Variants in PFKFB3 observed in about 807,000 individuals in gnomAD.
PFKFB3 encodes the protein 6-phosphofructo-2-kinase/fructose-2,6-bisphosphatase 3.
Under a neutral mutation model 68.0 loss-of-function variants are expected in PFKFB3, and 33 were observed. The observed-to-expected ratio is 0.49, with a 90% CI of 0.37 to 0.65. The LOEUF (loss-of-function observed/expected upper bound fraction) is 0.65, where lower values mean the gene tolerates loss of function less well. Among genes scored for constraint, PFKFB3 ranks in the 30% least tolerant of loss-of-function variants. The probability of loss-of-function intolerance (pLI) is 0.00; values close to 1 mark genes in which losing one functional copy is unlikely to be tolerated. For missense variants in PFKFB3, 586 were observed against 712.2 expected (o/e 0.82, Z 2.02); for synonymous variants, 315 against 288.2 (o/e 1.09, Z -0.94).
At chr10:6,247,186 G>T (rs913657886) in intron 14 of PFKFB3, among the ~76,000 whole-genome samples, 1 of 152,220 alleles carries the variant, frequency 6.6e-6, no homozygotes. Context: ...GATACGTCAC[G>T]GTGGGGCCAG....
At chr10:6,157,320 G>A (rs1841835247) in intron 1 of PFKFB3, among the ~76,000 whole-genome samples, 1 of 151,234 alleles carries the variant, frequency 6.6e-6, no homozygotes. Context: ...TCCACCTCCT[G>A]GGTTCACGCC....
chr10:6,262,983 G>A, the PFKFB3 span, among the ~76,000 whole-genome samples: 7 of 152,218 alleles, frequency 4.6e-5, no homozygotes, highest in African/African-American at 1.4e-4. Flanking sequence ...CACCTCGGTC[G>A]GGGAGACCCT....
At chr10:6,243,252 A>T (rs1192223692) in intron 14 of PFKFB3, among the ~76,000 whole-genome samples, 2 of 152,246 alleles carry the variant, frequency 1.3e-5, no homozygotes, top group Non-Finnish European at 2.9e-5. Context: ...TAATCCTCGG[A>T]ACTGCCGCAC....
chr10:6,270,055 C>T, the PFKFB3 span, among the ~76,000 whole-genome samples: 1 of 152,044 alleles, frequency 6.6e-6, no homozygotes, highest in Non-Finnish European at 1.5e-5. Context: ...TTGCTTGAAC[C>T]CGGGAGGCGG....
intron 1 of PFKFB3, among the ~76,000 whole-genome samples, chr10:6,183,578 C>T (rs1457679556): frequency 1.6e-5 from 2 of 127,994 alleles, no homozygotes; most frequent in African/African-American, 6.3e-5. Context: ...CACCTGAGGT[C>T]AGGAGTTCGA....
At chr10:6,248,557 A>G (rs1846305384) in intron 14 of PFKFB3, among the ~76,000 whole-genome samples, 1 of 136,838 alleles carries the variant, frequency 7.3e-6, no homozygotes, top group Admixed American at 8.2e-5. Flanking sequence ...TGAACCTGGG[A>G]GGCAGAGGCT....
At chr10:6,316,565 G>A in the PFKFB3 span, among the ~76,000 whole-genome samples, 3 of 151,956 alleles carry the variant, frequency 2.0e-5, no homozygotes, top group Non-Finnish European at 4.4e-5. Context: ...TGCAACCTCT[G>A]CCTCCCAGGT....
At chr10:6,158,619 A>G (rs1841877173) in intron 1 of PFKFB3, among the ~76,000 whole-genome samples, 1 of 152,186 alleles carries the variant, frequency 6.6e-6, no homozygotes, top group Admixed American at 6.5e-5. Context: ...TAATCCTAGC[A>G]CTTTGGGAGG....
intron 1 of PFKFB3, among the ~76,000 whole-genome samples, chr10:6,169,734 A>G (rs921669314): frequency 6.6e-6 from 1 of 152,216 alleles, no homozygotes; most frequent in Admixed American, 6.5e-5. Flanking sequence ...CTAAATGTTT[A>G]TGTCCCAGGG....
At chr10:6,178,729 G>A (rs572556560) in intron 1 of PFKFB3, among the ~76,000 whole-genome samples, 1 of 152,366 alleles carries the variant, frequency 6.6e-6, no homozygotes, top group Non-Finnish European at 1.5e-5. Flanking sequence ...TGCTGTCAGA[G>A]CCACCCCATC....
chr10:6,312,137 G>A, the PFKFB3 span, among the ~76,000 whole-genome samples: 70 of 152,216 alleles, frequency 4.6e-4, no homozygotes, highest in African/African-American at 1.5e-3. Context: ...TCTGGCCTCC[G>A]GGATTGTCTT....
chr10:6,286,570 G>T, the PFKFB3 span, among the ~76,000 whole-genome samples: 1 of 151,868 alleles, frequency 6.6e-6, no homozygotes. Context: ...TAAAGATGGG[G>T]TCTCACTATG....
the PFKFB3 span, among the ~76,000 whole-genome samples, chr10:6,301,470 A>G: frequency 2.6e-5 from 4 of 152,198 alleles, no homozygotes; most frequent in African/African-American, 9.6e-5. Flanking sequence ...TTGGAAATAA[A>G]CTTGTTTTTA....
chr10:6,246,033 C>G (rs1057102165), intron 14 of PFKFB3, among the ~76,000 whole-genome samples: 1 of 152,150 alleles, frequency 6.6e-6, no homozygotes. Context: ...TCTCGAAGAC[C>G]CTCTATGCAA....
At chr10:6,232,045 G>A (rs190793149) in intron 14 of PFKFB3, among the ~76,000 whole-genome samples, 277 of 152,386 alleles carry the variant, frequency 1.8e-3, no homozygotes, top group African/African-American at 6.1e-3. Context: ...CATGGGCCAC[G>A]GTGGCCCTGT....
At chr10:6,290,030 C>G in the PFKFB3 span, among the ~76,000 whole-genome samples, 1 of 152,078 alleles carries the variant, frequency 6.6e-6, no homozygotes, top group Non-Finnish European at 1.5e-5. Flanking sequence ...TATAAGAATG[C>G]TTGTGATTTT....
At chr10:6,265,820 C>G in the PFKFB3 span, among the ~76,000 whole-genome samples, 19 of 152,152 alleles carry the variant, frequency 1.2e-4, no homozygotes, top group African/African-American at 4.6e-4. Flanking sequence ...AATTTTCCAG[C>G]TCCACCCCCT....
chr10:6,236,666 G>A (rs1588558737), downstream of PFKFB3, among the ~76,000 whole-genome samples: 1 of 152,264 alleles, frequency 6.6e-6, no homozygotes, highest in South Asian at 2.1e-4. Context: ...GGCGTGAGAT[G>A]TGTCAGGTGC....
chr10:6,281,182 TAC>T, the PFKFB3 span, among the ~76,000 whole-genome samples: 25 of 133,610 alleles, frequency 1.9e-4, 2 homozygotes, highest in Admixed American at 8.4e-4. Flanking sequence ...TATATATATA[TAC>T]ACCACAGTTT....
Sources: allele counts gnomAD v4.1 joint callset (sites outside exome capture counted in the v4.1 genomes callset), GRCh38; gene constraint gnomAD v4.1.1; transcripts MANE v1.5; gene names NCBI Gene and HGNC (gene_info 2026-07-23, HGNC 2026-07-21).